Variants in MBTPS1 observed in about 807,000 individuals in gnomAD.
MBTPS1 encodes the protein membrane bound transcription factor peptidase, site 1, also known as membrane-bound transcription factor site-1 protease.
Under a neutral mutation model 127.8 loss-of-function variants are expected in MBTPS1, and 94 were observed. The observed-to-expected ratio is 0.74, with a 90% confidence interval of 0.62 to 0.87. MBTPS1 has a LOEUF of 0.87. MBTPS1 is among the 40% of genes least tolerant of loss of function. The probability of loss-of-function intolerance (pLI) is 0.00; values close to 1 mark genes in which losing one functional copy is unlikely to be tolerated. For synonymous variants in MBTPS1, 632 were observed against 509.4 expected (o/e 1.24, Z -3.24); for missense variants, 1,636 against 1,353.2 (o/e 1.21, Z -3.28).
chr16:84,084,842 G>A (rs924833645), intron 10 of MBTPS1, 141 bp downstream of exon 10: 8 of 754,588 alleles, frequency 1.1e-5, no homozygotes, highest in Non-Finnish European at 1.7e-5. Flanking sequence ...AGATGAAGAA[G>A]GAGAGACAGA....
intron 8 of MBTPS1, among the ~76,000 whole-genome samples, chr16:84,090,334 GAC>G (rs2086086668): frequency 6.6e-6 from 1 of 152,274 alleles, no homozygotes; most frequent in Non-Finnish European, 1.5e-5. Flanking sequence ...GCCCCCCTGT[GAC>G]ACTGTCCTCC....
At chr16:84,104,928 C>T (rs977746757) in intron 1 of MBTPS1, among the ~76,000 whole-genome samples, 19 of 145,164 alleles carry the variant, frequency 1.3e-4, no homozygotes, top group African/African-American at 4.7e-4. Context: ...ACCAACCAAC[C>T]GACCCAAAAA....
intron 5 of MBTPS1, 44 bp from the exon 6 acceptor site, chr16:84,093,341 G>C (rs1567496216): frequency 7.8e-7 from 1 of 1,286,294 alleles, no homozygotes; most frequent in Non-Finnish European, 1.1e-6. Context: ...ACACTGAATA[G>C]CAAGTGCCAG....
Position 84,093,829 on chromosome 16 carries a change from G to T in MBTPS1, c.626-8C>A. 1 of 1,559,686 alleles carries T rather than the reference G, an allele frequency of 6.4e-7. No individual in the cohort carries two copies. The highest frequency in any genetic ancestry group is 8.8e-7 in the Non-Finnish European group (1 of 1,130,474). ...CAACTCTTACATTAGCACCTTATTC[G>T]GAAAAGAAAGCAAACACAATTATGT... On this transcript the variant is annotated splice_polypyrimidine_tract_variant and splice_region_variant and intron_variant, in intron 4 of 22. Coordinates refer to ENST00000343411, the MANE Select transcript of MBTPS1 (RefSeq NM_003791.4).
intron 20 of MBTPS1, 133 bp from the exon 21 acceptor site, chr16:84,059,561 C>T: frequency 1.3e-6 from 1 of 791,554 alleles, no homozygotes; most frequent in East Asian, 2.8e-5. Context: ...CTCTATTAAG[C>T]TATCCTCCAT....
At chr16:84,113,762 G>C (rs1032277018) in intron 1 of MBTPS1, among the ~76,000 whole-genome samples, 10 of 152,236 alleles carry the variant, frequency 6.6e-5, no homozygotes, top group African/African-American at 2.2e-4. Flanking sequence ...TAATAAACTA[G>C]TTTACTAAAA....
Position 84,095,647 on chromosome 16 carries a change from C to G in MBTPS1, c.580G>C (p.Ala194Pro), listed in dbSNP as rs2086168555. The part of the protein sequence containing the change: ...RLLRAIPRQV[A>P]QTLQADVLWQ... ...AGCACATCTGCCTGCAGTGTCTGGG[C>G]AACCTGGCGCGGGATGGCTCTCAGC... The change falls in exon 4 of 23, where the codon GCC becomes CCC. Residue 194 changes from alanine to proline, a missense_variant. Transcript: ENST00000343411. The G allele has an allele frequency of 1.2e-6, 2 of 1,614,240 alleles. No homozygotes were observed. The highest frequency in any genetic ancestry group is 1.7e-6 in the Non-Finnish European group (2 of 1,180,036).
chr16:84,100,654 GA>G (rs1396342970), intron 2 of MBTPS1, among the ~76,000 whole-genome samples: 1 of 152,178 alleles, frequency 6.6e-6, no homozygotes, highest in Non-Finnish European at 1.5e-5. Context: ...TTGTGCCTGG[GA>G]GGCCAAGGCT....
rs1288041652 is a variant in MBTPS1, at chr16:84,060,831, C to T, written c.2573-18G>A. On this transcript the variant is annotated intron_variant, in intron 19 of 22. Transcript: ENST00000343411. ...AAAGCAGTCTGCGAAGTCAACAAGC[C>T]TGTTTAGGAATTCCTTTTTTTTTTT... The T allele has an allele frequency of 1.9e-6, 3 of 1,549,450 alleles. No homozygotes were observed. Among genetic ancestry groups the T allele is most frequent in the Middle Eastern group, 1.7e-4 (1 of 5,946 alleles).
intron 9 of MBTPS1, among the ~76,000 whole-genome samples, 189 bp from the exon 10 acceptor site, chr16:84,085,323 C>A (rs1012195080): frequency 1.3e-4 from 20 of 152,168 alleles, no homozygotes; most frequent in Non-Finnish European, 7.3e-5. Context: ...TCCCAACACT[C>A]TGGGAGGCCG....
At chr16:84,054,989 G>A (rs989119106) in intron 22 of MBTPS1, among the ~76,000 whole-genome samples, 1 of 152,198 alleles carries the variant, frequency 6.6e-6, no homozygotes, top group African/African-American at 2.4e-5. Flanking sequence ...CTAAACACAA[G>A]GGAAGATGGG....
chr16:84,088,443 C>A (rs967132716), intron 8 of MBTPS1, among the ~76,000 whole-genome samples: 1 of 152,110 alleles, frequency 6.6e-6, no homozygotes, highest in African/African-American at 2.4e-5. Context: ...GATGTTTACA[C>A]ATTCCCAGGA....
intron 1 of MBTPS1, among the ~76,000 whole-genome samples, 184 bp from the exon 2 acceptor site, chr16:84,102,291 G>C (rs773071001): frequency 6.6e-6 from 1 of 152,054 alleles, no homozygotes; most frequent in Non-Finnish European, 1.5e-5. Context: ...AGTCCAGCCT[G>C]AGCAACAAAG....
chr16:84,095,843 A>C, intron 3 of MBTPS1, 38 bp from the exon 4 acceptor site: 1 of 1,553,604 alleles, frequency 6.4e-7, no homozygotes, highest in African/African-American at 1.4e-5. Context: ...ACAGAAGAGC[A>C]AAACGAACTA....
intron 3 of MBTPS1, among the ~76,000 whole-genome samples, chr16:84,098,138 T>C (rs2086203861): frequency 6.6e-6 from 1 of 152,094 alleles, no homozygotes; most frequent in Non-Finnish European, 1.5e-5. Flanking sequence ...CAAGCCCAAT[T>C]GTAATGAAGT....
At chr16:84,072,698 G>A (rs565944599) in intron 12 of MBTPS1, among the ~76,000 whole-genome samples, 6 of 152,136 alleles carry the variant, frequency 3.9e-5, no homozygotes, top group African/African-American at 1.4e-4. Context: ...GCTGAGGCAG[G>A]AAAATGGCGT....
At chr16:84,058,896 C>T (rs1016600463) in intron 21 of MBTPS1, among the ~76,000 whole-genome samples, 6 of 152,140 alleles carry the variant, frequency 3.9e-5, no homozygotes, top group South Asian at 4.1e-4. Context: ...CTTGGACAGG[C>T]TGCAACCGCG....
intron 1 of MBTPS1, among the ~76,000 whole-genome samples, chr16:84,105,926 G>T (rs923833324): frequency 5.3e-5 from 8 of 152,164 alleles, no homozygotes; most frequent in Non-Finnish European, 1.2e-4. Context: ...TTACCTTCCA[G>T]TGCAGGGAGA....
At chr16:84,081,607 G>C in intron 11 of MBTPS1, 140 bp downstream of exon 11, 1 of 595,540 alleles carries the variant, frequency 1.7e-6, no homozygotes, top group Non-Finnish European at 2.6e-6. Context: ...AGAAGCAGCA[G>C]CAAAACCTCT....
Sources: allele counts gnomAD v4.1 joint callset (sites outside exome capture counted in the v4.1 genomes callset), GRCh38; gene constraint gnomAD v4.1.1; transcripts MANE v1.5; gene names NCBI Gene and HGNC (gene_info 2026-07-23, HGNC 2026-07-21).